The following ZCCHC24 variants were observed in gnomAD, a reference collection of about 807,000 sequenced individuals.
The protein encoded by ZCCHC24 is zinc finger CCHC-type containing 24, also known as zinc finger CCHC domain-containing protein 24.
Under a neutral mutation model 26.2 loss-of-function variants are expected in ZCCHC24, and 10 were observed. The observed-to-expected ratio is 0.38, with a 90% confidence interval of 0.24 to 0.65. The LOEUF is 0.65. Ranked by LOEUF, ZCCHC24 falls within the 30% of genes least tolerant of loss-of-function variation. The pLI is 0.54. For missense variants in ZCCHC24, 243 were observed against 329.1 expected, an observed-to-expected ratio of 0.74 and a Z score of 2.03; for synonymous variants, 144 against 147.1, an observed-to-expected ratio of 0.98 and a Z score of 0.15.
chr10:79,432,675 CTCGGTGAGGGAGCTGAGGCCA>C lies in ZCCHC24; in HGVS notation c.309_329del (p.Asp103_Thr109del), dbSNP rs756007929. 6.2e-7 allele frequency: 1 copy of C among 1,608,960 alleles called. No individual in the cohort carries two copies. Among genetic ancestry groups the C allele is most frequent in the Non-Finnish European group, 8.5e-7 (1 of 1,177,960 alleles). On this transcript the variant is annotated inframe_deletion, in exon 2 of 4. Transcript: ENST00000372336. ...AGGTGAGGGTCAGGTCTGAGAAGTG[CTCGGTGAGGGAGCTGAGGCCA>C]TCGGCGATGTTGTTGAGGGAGCCAT...
In ZCCHC24 at chr10:79,403,465, G is replaced by A. The variant is rs545425872; in HGVS notation, c.448-9025C>T. On this transcript the variant is annotated intron_variant, in intron 2 of 3. Transcript: ENST00000372336. ...CGGGGGAGGCAGGTGGAAGGGCTGC[G>A]TCCCTGCAGCCTGGTCTGGGCAGCT... The A allele has an allele frequency of 1.3e-4, 131 of 985,444 alleles. No individual in the cohort carries two copies. In the African/African-American group the frequency reaches 1.9e-3, roughly 14 times the overall value. 61.0% of individuals were successfully genotyped at this position (985,444 alleles called of 1,614,324 possible). A position where few individuals can be genotyped will look rare whatever the true frequency, so the allele number is the denominator to read the frequency against.
chr10:79,442,617 C>T (rs1369581010), intron 1 of ZCCHC24, among the ~76,000 whole-genome samples: 2 of 152,244 alleles, frequency 1.3e-5, no homozygotes, highest in East Asian at 3.8e-4. Context: ...GGCACTGCCA[C>T]TGGGCCTGCC....
Position 79,432,656 on chromosome 10 carries a change from G to A in ZCCHC24, c.349C>T (p.Leu117Phe). Reference sequence around the variant, plus strand: ...CTGGGCTTGCGAGCCTCGGAGGTGAGGGTCAGGTCTGAGAAGTGCTCGGTG... The same window carrying A: ...CTGGGCTTGCGAGCCTCGGAGGTGAAGGTCAGGTCTGAGAAGTGCTCGGTG... ...SLTEHFSDLT[L>F]TSEARKPSKR... The change falls in exon 2 of 4, where the codon CTC (leucine) becomes TTC (phenylalanine). Residue 117 changes from leucine (L) to phenylalanine (F), a missense_variant. By Grantham distance (22) the Leu-to-Phe change is conservative. This residue lies in a region of ZCCHC24 where 96 missense variants were observed against 178.3 expected (regional missense o/e 0.54). Transcript: ENST00000372336. 6.2e-7 allele frequency: 1 copy of A among 1,609,434 alleles called. No homozygotes were observed. The highest frequency in any genetic ancestry group is 8.5e-7 in the Non-Finnish European group (1 of 1,178,078).
chr10:79,431,560 G>A (rs773008332), intron 2 of ZCCHC24, among the ~76,000 whole-genome samples: 2 of 152,192 alleles, frequency 1.3e-5, no homozygotes, highest in African/African-American at 4.8e-5. Context: ...TACTCTAAGC[G>A]GCAAGAACCT....
intron 2 of ZCCHC24, among the ~76,000 whole-genome samples, chr10:79,421,572 T>A (rs1022072655): frequency 1.1e-4 from 17 of 152,276 alleles, no homozygotes; most frequent in African/African-American, 4.1e-4. Context: ...TTCAAAGGGC[T>A]TTTTGTCTGT....
chr10:79,432,082 C>T (rs1273833527), intron 2 of ZCCHC24, among the ~76,000 whole-genome samples: 2 of 152,164 alleles, frequency 1.3e-5, no homozygotes, highest in African/African-American at 4.8e-5. Flanking sequence ...GGGGCAGGGC[C>T]CCTCCCCTCT....
At chr10:79,398,462 C>T (rs1054382253) in intron 2 of ZCCHC24, among the ~76,000 whole-genome samples, 8 of 152,178 alleles carry the variant, frequency 5.3e-5, no homozygotes, top group Non-Finnish European at 1.2e-4. Flanking sequence ...TTCTCTTCTT[C>T]GTTGCCTGCA....
chr10:79,422,555 T>C (rs772039526), intron 2 of ZCCHC24, among the ~76,000 whole-genome samples: 1 of 152,244 alleles, frequency 6.6e-6, no homozygotes, highest in Non-Finnish European at 1.5e-5. Context: ...ATTTACATCC[T>C]GCCTCTAAGA....
chr10:79,405,465 G>A (rs1479130386), intron 2 of ZCCHC24, among the ~76,000 whole-genome samples: 1 of 152,230 alleles, frequency 6.6e-6, no homozygotes, highest in Non-Finnish European at 1.5e-5. Context: ...ACAGGTAGGA[G>A]GTGGCAATGC....
chr10:79,390,791 G>T (rs1194901638), intron 3 of ZCCHC24, among the ~76,000 whole-genome samples: 1 of 152,222 alleles, frequency 6.6e-6, no homozygotes, highest in Non-Finnish European at 1.5e-5. Flanking sequence ...TGCAGCTGGA[G>T]GCCGACAGGA....
At position 79,445,526 on chromosome 10, in the gene ZCCHC24, C is replaced by A. The variant is rs1857355427; in HGVS notation, c.-86G>T. ...AGGGGCGGGCACCGGGGAGCCTGTGCCCACTGCCCGCCTCCCGAGCCCCGA... is the reference window on the plus strand; with the variant it reads ...AGGGGCGGGCACCGGGGAGCCTGTGACCACTGCCCGCCTCCCGAGCCCCGA... On this transcript the variant is annotated 5_prime_UTR_variant, in exon 1 of 4. Transcript: ENST00000372336. 7.8e-6 allele frequency: 9 copies of A among 1,157,662 alleles called. No individual in the cohort carries two copies. Among genetic ancestry groups the A allele is most frequent in the African/African-American group, 1.6e-5 (1 of 61,826 alleles). The allele number at this position is 1,157,662 out of a possible 1,614,324, so 71.7% of individuals were successfully genotyped here. A position where few individuals can be genotyped will look rare whatever the true frequency, so the allele number is the denominator to read the frequency against.
chr10:79,413,576 A>G (rs1013720491), intron 2 of ZCCHC24, among the ~76,000 whole-genome samples: 2 of 152,176 alleles, frequency 1.3e-5, no homozygotes, highest in Admixed American at 6.5e-5. Flanking sequence ...CCTGAAAGTC[A>G]GCTATAGAAA....
intron 2 of ZCCHC24, among the ~76,000 whole-genome samples, chr10:79,431,467 T>G (rs1410052420): frequency 6.6e-6 from 1 of 152,162 alleles, no homozygotes; most frequent in Non-Finnish European, 1.5e-5. Context: ...ACAGATCACC[T>G]GGGGACCTTG....
At chr10:79,442,466 C>A (rs556409755) in intron 1 of ZCCHC24, among the ~76,000 whole-genome samples, 1 of 152,380 alleles carries the variant, frequency 6.6e-6, no homozygotes, top group African/African-American at 2.4e-5. Flanking sequence ...CTCACCCCCC[C>A]TCAAATCCCA....
rs889021576 is a variant in ZCCHC24 at position 79,399,103 on chromosome 10, G to A, written c.448-4663C>T. Among the ~76,000 whole-genome samples, 7 of 152,266 alleles carry A rather than the reference G, an allele frequency of 4.6e-5. No individual in the cohort carries two copies. In the East Asian group the frequency reaches 1.2e-3, roughly 25 times the overall value. The stretch of plus-strand genomic sequence containing the variant: ...TCCCCTCAGCCCAGTCCAGTGTCAG[G>A]CCTTGGCGGTGACCTCGGTAGAGGT... On this transcript the variant is annotated intron_variant, in intron 2 of 3. Transcript: ENST00000372336.
At chr10:79,412,589 T>C (rs1245395556) in intron 2 of ZCCHC24, among the ~76,000 whole-genome samples, 2 of 152,198 alleles carry the variant, frequency 1.3e-5, no homozygotes, top group Admixed American at 1.3e-4. Context: ...ACCACTAGCA[T>C]CTCTTCTAGA....
intron 3 of ZCCHC24, among the ~76,000 whole-genome samples, chr10:79,392,511 C>T (rs1005091007): frequency 2.6e-5 from 4 of 152,208 alleles, no homozygotes; most frequent in African/African-American, 7.2e-5. Context: ...AAGCATCCCC[C>T]GTTTTGCCCC....
At chr10:79,428,453 TTTCAGTTTTGCAAGATA>T (rs1857073799) in intron 2 of ZCCHC24, among the ~76,000 whole-genome samples, 1 of 46,330 alleles carries the variant, frequency 2.2e-5, no homozygotes, top group Admixed American at 1.6e-4. Flanking sequence ...GCAAGATAAA[TTTCAGTTTTGCAAGATA>T]AATTTCAGTT....
intron 3 of ZCCHC24, among the ~76,000 whole-genome samples, chr10:79,386,795 C>T (rs535340306): frequency 6.6e-6 from 1 of 152,302 alleles, no homozygotes; most frequent in South Asian, 2.1e-4. Flanking sequence ...GGGCCTTGTA[C>T]CTGGCACCCT....
Sources: allele counts gnomAD v4.1 joint callset (sites outside exome capture counted in the v4.1 genomes callset), GRCh38; gene constraint gnomAD v4.1.1; regional missense constraint gnomAD v4.1.1; transcripts MANE v1.5; gene names NCBI Gene and HGNC (gene_info 2026-07-23, HGNC 2026-07-21).